Variants in STAC observed in about 807,000 individuals in gnomAD.
STAC encodes the protein SH3 and cysteine rich domain.
Under a neutral mutation model 48.8 loss-of-function variants are expected in STAC, and 43 were observed. The ratio of observed to expected loss-of-function variants is 0.88; its 90% CI spans 0.69 to 1.14. The LOEUF (loss-of-function observed/expected upper bound fraction) is 1.14. STAC is among the 50% of genes most tolerant of loss of function. The pLI is 0.00. For missense variants in STAC, 497 were observed against 504.0 expected, an observed-to-expected ratio of 0.99 and a Z score of 0.13; for synonymous variants, 193 against 179.5, an observed-to-expected ratio of 1.07 and a Z score of -0.60.
intron 5 of STAC, 50 bp downstream of exon 5, chr3:36,486,299 G>A: frequency 6.5e-7 from 1 of 1,538,344 alleles, no homozygotes. Context: ...CTTGGGCAGA[G>A]CGGGCCTCAG....
intron 2 of STAC, among the ~76,000 whole-genome samples, chr3:36,468,774 T>G (rs28669104): frequency 0.11 from 16,109 of 142,172 alleles, 1,012 homozygotes; most frequent in East Asian, 0.29. Flanking sequence ...GTGTGTGTGT[T>G]TGTGTGTGTT....
chr3:36,541,889 G>A (rs1156401841), intron 10 of STAC, among the ~76,000 whole-genome samples: 1 of 152,134 alleles, frequency 6.6e-6, no homozygotes, highest in East Asian at 1.9e-4. Flanking sequence ...TACCACTGCT[G>A]CATACATGAT....
At chr3:36,410,949 A>G (rs1700181285) in intron 1 of STAC, among the ~76,000 whole-genome samples, 1 of 152,216 alleles carries the variant, frequency 6.6e-6, no homozygotes, top group Non-Finnish European at 1.5e-5. Flanking sequence ...CTTCACATGG[A>G]TGTCTAATAG....
intron 8 of STAC, among the ~76,000 whole-genome samples, chr3:36,524,561 C>T (rs761523482): frequency 6.6e-6 from 1 of 151,952 alleles, no homozygotes; most frequent in Non-Finnish European, 1.5e-5. Flanking sequence ...CACTGCACTC[C>T]AGCCTGGGCG....
At chr3:36,516,007 G>C (rs371010222) in intron 8 of STAC, among the ~76,000 whole-genome samples, 2 of 98,266 alleles carry the variant, frequency 2.0e-5, no homozygotes, top group Admixed American at 1.5e-4. Flanking sequence ...TTTTGAGACA[G>C]AGTTTCACTC....
chr3:36,432,023 A>G (rs990867508), intron 1 of STAC, among the ~76,000 whole-genome samples: 2 of 152,210 alleles, frequency 1.3e-5, no homozygotes, highest in African/African-American at 4.8e-5. Context: ...GAATCTTTGA[A>G]TCAGCTCTGA....
rs1699450027 is a variant in STAC, at chr3:36,546,471, C to T, written c.*182C>T. 1 of 591,420 alleles carries T rather than the reference C, an allele frequency of 1.7e-6. No individual in the cohort carries two copies. Among genetic ancestry groups the T allele is most frequent in the Admixed American group, 3.0e-5 (1 of 33,898 alleles). 36.6% of individuals were successfully genotyped at this position (591,420 alleles called of 1,614,324 possible). A position where few individuals can be genotyped will look rare whatever the true frequency, so the allele number is the denominator to read the frequency against. On this transcript the variant is annotated 3_prime_UTR_variant, in exon 11 of 11. Transcript: ENST00000273183. ...ACAAAACAGAGGGCCCACTGCACAGCATATCCAGGCTGCCACAGGTGGGGA... is the reference window on the plus strand; with the variant it reads ...ACAAAACAGAGGGCCCACTGCACAGTATATCCAGGCTGCCACAGGTGGGGA...
chr3:36,445,289 C>T (rs1327613584), intron 2 of STAC, among the ~76,000 whole-genome samples: 1 of 152,156 alleles, frequency 6.6e-6, no homozygotes, highest in Non-Finnish European at 1.5e-5. Flanking sequence ...AGTTGCACTG[C>T]ACTTTTCTCT....
chr3:36,391,389 T>G (rs1699748443), intron 1 of STAC, among the ~76,000 whole-genome samples: 1 of 152,174 alleles, frequency 6.6e-6, no homozygotes, highest in Non-Finnish European at 1.5e-5. Context: ...TCTTATCATT[T>G]CATCCACCAG....
chr3:36,490,408 A>G (rs990583660), intron 5 of STAC, among the ~76,000 whole-genome samples: 2 of 152,186 alleles, frequency 1.3e-5, no homozygotes, highest in Non-Finnish European at 2.9e-5. Flanking sequence ...GAAAAGCACA[A>G]ACAAAACTGG....
At chr3:36,515,709 T>C (rs2125721256) in intron 8 of STAC, among the ~76,000 whole-genome samples, 1 of 152,230 alleles carries the variant, frequency 6.6e-6, no homozygotes, top group South Asian at 2.1e-4. Context: ...TTGTCTCAGG[T>C]AGGTGGAGGG....
chr3:36,398,328 A>AAGAAAGC (rs1559476882), intron 1 of STAC, among the ~76,000 whole-genome samples: 20 of 115,656 alleles, frequency 1.7e-4, no homozygotes, highest in Non-Finnish European at 3.0e-4. Flanking sequence ...AGCAAGAAAG[A>AAGAAAGC]AAGAAAGAAA....
intron 1 of STAC, among the ~76,000 whole-genome samples, chr3:36,413,326 T>C (rs1293588502): frequency 1.3e-5 from 2 of 152,248 alleles, no homozygotes; most frequent in Admixed American, 1.3e-4. Flanking sequence ...TTTGTAGGTC[T>C]CTAAGGACTT....
intron 1 of STAC, among the ~76,000 whole-genome samples, chr3:36,406,750 T>TATG (rs1700094858): frequency 6.6e-6 from 1 of 152,238 alleles, no homozygotes; most frequent in Non-Finnish European, 1.5e-5. Flanking sequence ...TTTCATATTA[T>TATG]AATGCAGAGT....
chr3:36,412,462 G>T (rs1700217772), intron 1 of STAC, among the ~76,000 whole-genome samples: 1 of 152,054 alleles, frequency 6.6e-6, no homozygotes, highest in Admixed American at 6.6e-5. Flanking sequence ...AGAGAAGTAG[G>T]AATTGGAAAT....
intron 1 of STAC, among the ~76,000 whole-genome samples, chr3:36,389,086 C>G (rs888222967): frequency 6.6e-6 from 1 of 152,126 alleles, no homozygotes; most frequent in African/African-American, 2.4e-5. Context: ...CATAGTATAT[C>G]TGTAGTTATT....
At chr3:36,429,316 C>A (rs1700635104) in intron 1 of STAC, among the ~76,000 whole-genome samples, 1 of 152,158 alleles carries the variant, frequency 6.6e-6, no homozygotes, top group Admixed American at 6.5e-5. Flanking sequence ...TTCATTTGAC[C>A]TTTTCAGATC....
intron 1 of STAC, among the ~76,000 whole-genome samples, chr3:36,392,658 T>C (rs913838987): frequency 2.0e-5 from 3 of 152,142 alleles, no homozygotes; most frequent in Admixed American, 6.5e-5. Context: ...ATGAGCCCCA[T>C]GCCCGGCCCC....
chr3:36,492,655 A>T (rs1199312815), intron 5 of STAC, among the ~76,000 whole-genome samples: 1 of 152,230 alleles, frequency 6.6e-6, no homozygotes, highest in Non-Finnish European at 1.5e-5. Flanking sequence ...CTTTAAAAAG[A>T]GAGTCAGGAT....
Sources: allele counts gnomAD v4.1 joint callset (sites outside exome capture counted in the v4.1 genomes callset), GRCh38; gene constraint gnomAD v4.1.1; transcripts MANE v1.5; gene names NCBI Gene and HGNC (gene_info 2026-07-23, HGNC 2026-07-21).